The following AIMP1 variants were observed in gnomAD, a reference collection of about 807,000 sequenced individuals.
The protein encoded by AIMP1 is aminoacyl tRNA synthetase complex interacting multifunctional protein 1, also known as aminoacyl tRNA synthase complex-interacting multifunctional protein 1.
In AIMP1, 24 loss-of-function variants were observed where a neutral mutation model predicts 33.1. That is an observed-to-expected ratio of 0.73 (90% confidence interval 0.53 to 1.02). The LOEUF is 1.02. Ranked by LOEUF, AIMP1 falls within the 50% of genes least tolerant of loss-of-function variation. The pLI, the probability that AIMP1 is intolerant of heterozygous loss-of-function variation, is 0.00. For synonymous variants in AIMP1, 120 were observed against 121.5 expected (o/e 0.99, Z 0.08); for missense variants, 367 against 364.8 (o/e 1.01, Z -0.05).
In AIMP1 at chr4:106,349,123, C is replaced by T. The variant is rs1265995492; in HGVS notation, c.*1431C>T. ...TGATATTCTGAAAATATGAACTGAGCGTCATTAACAATTGTTGGTACCTAA... is the reference window on the plus strand; with the variant it reads ...TGATATTCTGAAAATATGAACTGAGTGTCATTAACAATTGTTGGTACCTAA... On this transcript the variant is annotated 3_prime_UTR_variant, in exon 7 of 7. Transcript: ENST00000672341. The T allele has an allele frequency of 6.6e-6, 1 of 151,906 alleles. No homozygotes were observed. The highest frequency in any genetic ancestry group is 2.4e-5 in the African/African-American group (1 of 41,372). The allele number at this position is 151,906 out of a possible 1,614,324, so 9.4% of individuals were successfully genotyped here.
At chr4:106,331,463 A>C (rs1398603089) in intron 4 of AIMP1, among the ~76,000 whole-genome samples, 3 of 152,236 alleles carry the variant, frequency 2.0e-5, no homozygotes, top group Non-Finnish European at 2.9e-5. Flanking sequence ...CTTCAAATAG[A>C]AATACAACAG....
chr4:106,347,545 G>A lies in AIMP1; in HGVS notation c.792G>A (p.Leu264=). 4 of 1,613,062 alleles carry A rather than the reference G, an allele frequency of 2.5e-6. No individual in the cohort carries two copies. Among genetic ancestry groups the A allele is most frequent in the Non-Finnish European group, 2.5e-6 (3 of 1,179,454 alleles). The part of the protein sequence containing the change: ...DAFPGEPDKE[L]NPKKKIWEQI... ...ACACAGGAGAGCCTGACAAGGAGCT[G>A]AATCCTAAGAAGAAGATTTGGGAGC... The change falls in exon 7 of 7, where the codon CTG becomes CTA. Residue 264 remains leucine (L), a synonymous_variant. Coordinates refer to ENST00000672341, the MANE Select transcript of AIMP1 (RefSeq NM_001142416.2).
chr4:106,330,429 T>C (rs1438877169), intron 4 of AIMP1, among the ~76,000 whole-genome samples: 1 of 152,210 alleles, frequency 6.6e-6, no homozygotes, highest in Non-Finnish European at 1.5e-5. Flanking sequence ...AATTTGTTTA[T>C]GGAAAATGGA....
chr4:106,333,282 T>G (rs1267202592), intron 5 of AIMP1, among the ~76,000 whole-genome samples: 2 of 152,216 alleles, frequency 1.3e-5, no homozygotes, highest in Non-Finnish European at 2.9e-5. Flanking sequence ...CTAGGATTCC[T>G]TACTCATTTC....
At chr4:106,325,603 C>T (rs1769424886) in intron 2 of AIMP1, among the ~76,000 whole-genome samples, 1 of 151,670 alleles carries the variant, frequency 6.6e-6, no homozygotes, top group Admixed American at 6.6e-5. Flanking sequence ...TGTTGTAAAC[C>T]AAATTTTGTC....
chr4:106,315,711 A>G (rs6856408), upstream of AIMP1: 26,352 of 152,236 alleles, frequency 0.17, 2,318 homozygotes, highest in South Asian at 0.25. Context: ...CAGAGCGATT[A>G]CTAAGCCTAC....
intron 5 of AIMP1, among the ~76,000 whole-genome samples, chr4:106,335,662 G>A (rs1326493317): frequency 1.3e-5 from 2 of 152,040 alleles, no homozygotes; most frequent in Non-Finnish European, 2.9e-5. Flanking sequence ...CAAGTTATTT[G>A]AAGCATTCGA....
At chr4:106,327,430 A>ACTGGT (rs1161444668) in intron 2 of AIMP1, 21 bp from the exon 3 acceptor site, 10 of 1,548,642 alleles carry the variant, frequency 6.5e-6, no homozygotes, top group Admixed American at 1.7e-5. Flanking sequence ...ACATATTTTA[A>ACTGGT]CTGGATGTTC....
intron 2 of AIMP1, among the ~76,000 whole-genome samples, chr4:106,325,442 C>T (rs1265568893): frequency 6.6e-6 from 1 of 151,872 alleles, no homozygotes; most frequent in East Asian, 1.9e-4. Context: ...GAAACTTTAT[C>T]AATTTTTTTC....
intron 4 of AIMP1, among the ~76,000 whole-genome samples, chr4:106,331,275 A>G (rs1412768625): frequency 1.3e-5 from 2 of 152,276 alleles, no homozygotes; most frequent in East Asian, 1.9e-4. Flanking sequence ...GGGAAAGGCA[A>G]ACTTTTTCTG....
intron 5 of AIMP1, among the ~76,000 whole-genome samples, chr4:106,332,974 A>G (rs558976256): frequency 5.9e-5 from 9 of 152,202 alleles, no homozygotes; most frequent in African/African-American, 2.2e-4. Flanking sequence ...GAAAATCCTG[A>G]TGTCTTGTTT....
chr4:106,346,015 A>AT (rs1770283299), intron 6 of AIMP1, among the ~76,000 whole-genome samples: 1 of 151,588 alleles, frequency 6.6e-6, no homozygotes, highest in Non-Finnish European at 1.5e-5. Context: ...TTCTATCATT[A>AT]CTTAATTATA....
intron 6 of AIMP1, among the ~76,000 whole-genome samples, chr4:106,341,603 A>G (rs933080816): frequency 1.3e-5 from 2 of 152,074 alleles, no homozygotes; most frequent in Admixed American, 6.6e-5. Context: ...GGTTGTAGGC[A>G]TGCAGCTTTA....
chr4:106,327,420 A>G, intron 2 of AIMP1, 31 bp from the exon 3 acceptor site: 1 of 1,509,220 alleles, frequency 6.6e-7, no homozygotes, highest in South Asian at 1.1e-5. Context: ...TCTTTTAAAA[A>G]CATATTTTAA....
chr4:106,324,877 CTA>C, intron 1 of AIMP1, 106 bp from the exon 2 acceptor site: 1 of 856,480 alleles, frequency 1.2e-6, no homozygotes, highest in Non-Finnish European at 1.7e-6. Flanking sequence ...AGATATTTAT[CTA>C]TTACAGTAGA....
intron 4 of AIMP1, among the ~76,000 whole-genome samples, chr4:106,329,002 A>G (rs1769560363): frequency 6.6e-6 from 1 of 151,844 alleles, no homozygotes; most frequent in Non-Finnish European, 1.5e-5. Flanking sequence ...TGCCTTTATA[A>G]ATAATTATGA....
intron 6 of AIMP1, among the ~76,000 whole-genome samples, chr4:106,345,420 T>C (rs888027504): frequency 8.0e-4 from 121 of 152,184 alleles, no homozygotes; most frequent in Non-Finnish European, 5.6e-4. Context: ...ATGCACAAGA[T>C]TATGATTATA....
Position 106,337,786 on chromosome 4 carries a change from G to A in AIMP1, c.772+749G>A, listed in dbSNP as rs1769947203. Among the ~76,000 whole-genome samples the A allele has an allele frequency of 2.6e-5, 4 of 152,302 alleles. No individual in the cohort carries two copies. In the South Asian group the frequency reaches 8.3e-4, roughly 32 times the overall value. ...TTGGGACTTCCTGGATACTTTCAGG[G>A]CTCAGGAGATAGGAAAATGTGGGAA... On this transcript the variant is annotated intron_variant, in intron 6 of 6. Transcript: ENST00000672341.
chr4:106,317,315 TGAG>T (rs1235150734), intron 1 of AIMP1, among the ~76,000 whole-genome samples: 4 of 152,202 alleles, frequency 2.6e-5, no homozygotes, highest in African/African-American at 4.8e-5. Context: ...AGGGCAGAGT[TGAG>T]TGAAGGGTTT....
Sources: gnomAD v4.1 joint callset for allele counts (sites outside exome capture counted in the v4.1 genomes callset) on GRCh38, gnomAD v4.1.1 for gene constraint, MANE v1.5 for transcripts, NCBI Gene and HGNC (gene_info 2026-07-23, HGNC 2026-07-21) for gene names.